The following MRPL48 variants were observed in gnomAD, a reference collection of about 807,000 sequenced individuals.
MRPL48 encodes the protein mitochondrial ribosomal protein L48.
Under a neutral mutation model 32.9 loss-of-function variants are expected in MRPL48, and 16 were observed. The observed-to-expected ratio is 0.49, with a 90% CI of 0.33 to 0.74. MRPL48 has a LOEUF of 0.74. MRPL48 is among the 30% of genes least tolerant of loss of function. The pLI is 0.02. For missense variants in MRPL48, 206 were observed against 245.3 expected, an observed-to-expected ratio of 0.84 and a Z score of 1.07; for synonymous variants, 94 against 89.2, an observed-to-expected ratio of 1.05 and a Z score of -0.31.
At chr11:73,810,061 AT>A (rs1294945003) in intron 3 of MRPL48, among the ~76,000 whole-genome samples, 2 of 152,194 alleles carry the variant, frequency 1.3e-5, no homozygotes, top group Non-Finnish European at 2.9e-5. Flanking sequence ...AGTCCTTGCT[AT>A]TTAGTAGTTT....
rs537542123 is a variant in MRPL48, at chr11:73,819,845, C to T, written c.113-5863C>T. 4.6e-5 allele frequency among the ~76,000 whole-genome samples: 7 copies of T among 152,042 alleles called. No individual in the cohort carries two copies. The South Asian group carries it at 1.5e-3, about 32-fold the overall frequency. On this transcript the variant is annotated intron_variant, in intron 3 of 7. Coordinates refer to ENST00000310614, the MANE Select transcript of MRPL48 (RefSeq NM_016055.6). ...CCTAGGCACATCAAGGTTGCAGTGA[C>T]CAAGATCATGCCACTGCCCCCCAGC...
In MRPL48 at chr11:73,841,940, G is replaced by C. The variant is rs574102512; in HGVS notation, c.202-2867G>C. On this transcript the variant is annotated intron_variant, in intron 4 of 7. Coordinates refer to ENST00000310614, the MANE Select transcript of MRPL48 (RefSeq NM_016055.6). ...AAACAGCCAATGATACTAGTTTTTGGGGGGGGGTTTGTTTTTATTTTTGTT... is the reference window on the plus strand; with the variant it reads ...AAACAGCCAATGATACTAGTTTTTGCGGGGGGGTTTGTTTTTATTTTTGTT... Among the ~76,000 whole-genome samples the C allele has an allele frequency of 2.9e-3, 388 of 133,778 alleles. 4 individuals are homozygous for C. The highest frequency in any genetic ancestry group is 1.0e-2 in the African/African-American group (351 of 35,214). 87.8% of individuals were successfully genotyped at this position (133,778 alleles called of 152,430 possible).
intron 5 of MRPL48, among the ~76,000 whole-genome samples, chr11:73,852,282 G>T (rs1212178803): frequency 6.7e-6 from 1 of 149,816 alleles, no homozygotes; most frequent in African/African-American, 2.5e-5. Context: ...GAAATAATAT[G>T]TGGTTAAGAG....
At chr11:73,842,780 T>A (rs969494526) in intron 4 of MRPL48, 1 of 152,200 alleles carries the variant, frequency 6.6e-6, no homozygotes, top group Non-Finnish European at 1.5e-5. Flanking sequence ...CCCTTATTTC[T>A]TTTTACAGCT....
At chr11:73,836,634 C>G (rs1371148829) in intron 4 of MRPL48, among the ~76,000 whole-genome samples, 2 of 152,130 alleles carry the variant, frequency 1.3e-5, no homozygotes, top group Admixed American at 6.6e-5. Flanking sequence ...ATTCAAGACC[C>G]TGTTTGAGGA....
rs772058011 is a variant in MRPL48 at position 73,787,959 on chromosome 11, G to T, written c.-13G>T. On this transcript the variant is annotated 5_prime_UTR_variant, in exon 1 of 8. Coordinates refer to ENST00000310614, the MANE Select transcript of MRPL48 (RefSeq NM_016055.6). The stretch of plus-strand genomic sequence containing the variant: ...TTCGGTTTGCACAGCTAGAGGCCGC[G>T]CAGCAGCAAAGGATGAGCGGAACCT... 1.2e-6 allele frequency: 2 copies of T among 1,612,614 alleles called. No homozygotes were observed. The highest frequency in any genetic ancestry group is 4.5e-5 in the East Asian group (2 of 44,798).
rs1197998051 is a variant in MRPL48, at chr11:73,825,837, A to G, written c.201+41A>G. The G allele has an allele frequency of 3.3e-6, 5 of 1,496,434 alleles. No individual in the cohort carries two copies. The African/African-American group carries it at 7.0e-5, about 21-fold the overall frequency. 92.7% of individuals were successfully genotyped at this position (1,496,434 alleles called of 1,614,324 possible). A position where few individuals can be genotyped will look rare whatever the true frequency, so the allele number is the denominator to read the frequency against. ...AGTCTTTTGGAAAAGGATAATGTGC[A>G]GCTTTTGCAAAAACCTGAAGATCAG... is the stretch of plus-strand genomic sequence containing the variant. On this transcript the variant is annotated intron_variant, in intron 4 of 7. Coordinates refer to ENST00000310614, the MANE Select transcript of MRPL48 (RefSeq NM_016055.6).
intron 4 of MRPL48, among the ~76,000 whole-genome samples, chr11:73,826,211 G>A (rs548877259): frequency 7.9e-5 from 12 of 151,840 alleles, no homozygotes; most frequent in Admixed American, 7.9e-4. Context: ...ATAGAGACAG[G>A]GTCTTGCTGT....
intron 1 of MRPL48, among the ~76,000 whole-genome samples, chr11:73,799,311 C>A (rs1358394856): frequency 6.6e-6 from 1 of 152,066 alleles, no homozygotes; most frequent in Non-Finnish European, 1.5e-5. Context: ...ATGGTGATGC[C>A]ACTTTACCCC....
chr11:73,800,590 A>G (rs534827853), intron 1 of MRPL48, among the ~76,000 whole-genome samples: 1 of 152,180 alleles, frequency 6.6e-6, no homozygotes, highest in South Asian at 2.1e-4. Flanking sequence ...CGCTGGCGTC[A>G]CCATCCTCCT....
intron 1 of MRPL48, among the ~76,000 whole-genome samples, chr11:73,790,912 G>T (rs1158021924): frequency 1.4e-5 from 2 of 144,956 alleles, no homozygotes; most frequent in Non-Finnish European, 3.0e-5. Flanking sequence ...TTGAGACAGG[G>T]TCTCACTTTG....
intron 4 of MRPL48, among the ~76,000 whole-genome samples, chr11:73,833,148 A>C (rs1156257644): frequency 6.6e-6 from 1 of 152,060 alleles, no homozygotes; most frequent in Non-Finnish European, 1.5e-5. Context: ...AACATTTATT[A>C]AATGCCACCT....
At chr11:73,795,516 TC>T (rs533072589) in intron 1 of MRPL48, among the ~76,000 whole-genome samples, 66 of 151,756 alleles carry the variant, frequency 4.3e-4, no homozygotes, top group Non-Finnish European at 9.1e-4. Context: ...TAATATTCAC[TC>T]TTTTTTTTTT....
intron 3 of MRPL48, among the ~76,000 whole-genome samples, chr11:73,817,479 T>C (rs1947698255): frequency 6.6e-6 from 1 of 152,232 alleles, no homozygotes; most frequent in African/African-American, 2.4e-5. Flanking sequence ...TATTTGAGAA[T>C]CCCTTTTTAC....
At chr11:73,826,774 C>CTTTTTTT (rs71065041) in intron 4 of MRPL48, among the ~76,000 whole-genome samples, 4 of 108,928 alleles carry the variant, frequency 3.7e-5, no homozygotes, top group Non-Finnish European at 5.7e-5. Flanking sequence ...ACTGTATTTT[C>CTTTTTTT]TTTTTTTTTT....
intron 5 of MRPL48, among the ~76,000 whole-genome samples, chr11:73,852,091 G>C (rs7944908): frequency 0.056 from 8,574 of 152,248 alleles, 264 homozygotes; most frequent in Middle Eastern, 0.11. Context: ...CCGAGAAGAT[G>C]TCAGGAACTT....
chr11:73,859,650 T>C (rs1565113659), intron 5 of MRPL48, among the ~76,000 whole-genome samples: 1 of 151,894 alleles, frequency 6.6e-6, no homozygotes, highest in Non-Finnish European at 1.5e-5. Context: ...CCAGGTTTTA[T>C]TCGGAGTATT....
rs558077859 is a variant in MRPL48 at position 73,843,991 on chromosome 11, A to C, written c.202-816A>C. 2.0e-5 allele frequency among the ~76,000 whole-genome samples: 3 copies of C among 152,128 alleles called. No homozygotes were observed. In the South Asian group the frequency reaches 6.2e-4, roughly 32 times the overall value. On this transcript the variant is annotated intron_variant, in intron 4 of 7. Transcript: ENST00000310614. ...CTACTTGGGAGGCTGCGGCAGGAGA[A>C]TCGCTTGAACCCGGGAGGTAGAGAT...
chr11:73,810,179 A>G (rs1167730454), intron 3 of MRPL48, among the ~76,000 whole-genome samples: 1 of 152,218 alleles, frequency 6.6e-6, no homozygotes, highest in Non-Finnish European at 1.5e-5. Flanking sequence ...TAAAAATCAG[A>G]CATCATGATA....
Sources: allele counts gnomAD v4.1 joint callset (sites outside exome capture counted in the v4.1 genomes callset), GRCh38; gene constraint gnomAD v4.1.1; transcripts MANE v1.5; gene names NCBI Gene and HGNC (gene_info 2026-07-23, HGNC 2026-07-21).